RAB38: variants seen among roughly 807,000 people sequenced by gnomAD.
RAB38 encodes RAB38, member RAS oncogene family.
RAB38 carries 15 observed loss-of-function variants against 18.4 expected under a neutral mutation model. The observed-to-expected ratio is 0.82, with a 90% confidence interval of 0.55 to 1.26. The LOEUF is 1.26. RAB38 is among the 50% of genes most tolerant of loss of function. The pLI is 0.00. For synonymous variants in RAB38, 101 were observed against 104.4 expected (o/e 0.97, Z 0.20); for missense variants, 294 against 267.4 (o/e 1.10, Z -0.69).
intron 2 of RAB38, among the ~76,000 whole-genome samples, chr11:88,124,908 C>T (rs1230495071): frequency 6.6e-6 from 1 of 152,180 alleles, no homozygotes; most frequent in African/African-American, 2.4e-5. Flanking sequence ...TCATCAAAGG[C>T]TTTACAATCC....
the RAB38 span, among the ~76,000 whole-genome samples, chr11:88,054,797 C>G: frequency 7.2e-5 from 11 of 152,186 alleles, no homozygotes; most frequent in African/African-American, 2.7e-4. Context: ...GAAAGGACAG[C>G]TTGCACAAAG....
the RAB38 span, among the ~76,000 whole-genome samples, chr11:87,909,533 T>C: frequency 6.6e-6 from 1 of 152,102 alleles, no homozygotes; most frequent in Non-Finnish European, 1.5e-5. Context: ...TGTATAATTT[T>C]ATATGTTTCC....
chr11:87,842,481 G>A, the RAB38 span, among the ~76,000 whole-genome samples: 4 of 152,272 alleles, frequency 2.6e-5, no homozygotes, highest in East Asian at 7.7e-4. Flanking sequence ...CGCAGTCGGA[G>A]AGGGGCCTTC....
chr11:87,885,006 T>C, the RAB38 span, among the ~76,000 whole-genome samples: 1 of 151,900 alleles, frequency 6.6e-6, no homozygotes, highest in Non-Finnish European at 1.5e-5. Context: ...CTTCAAAAAA[T>C]AGAGACCCAC....
the RAB38 span, among the ~76,000 whole-genome samples, chr11:88,047,438 C>T: frequency 2.6e-5 from 4 of 152,290 alleles, no homozygotes; most frequent in African/African-American, 9.6e-5. Flanking sequence ...TAGTATCTTC[C>T]ACATCTATCA....
the RAB38 span, among the ~76,000 whole-genome samples, chr11:87,846,829 CAA>C: frequency 6.6e-6 from 1 of 151,972 alleles, no homozygotes; most frequent in Non-Finnish European, 1.5e-5. Context: ...CTGAGTAAGA[CAA>C]AGTGCATTCT....
the RAB38 span, among the ~76,000 whole-genome samples, chr11:87,886,254 G>T: frequency 6.6e-6 from 1 of 151,884 alleles, no homozygotes; most frequent in Non-Finnish European, 1.5e-5. Flanking sequence ...TCGTCCCCAT[G>T]ACCTGGTGTT....
At chr11:88,146,009 T>C (rs1361905253) in intron 2 of RAB38, among the ~76,000 whole-genome samples, 1 of 152,226 alleles carries the variant, frequency 6.6e-6, no homozygotes, top group Non-Finnish European at 1.5e-5. Context: ...CTATTTTCTT[T>C]CCTTTGGTTT....
At chr11:88,077,764 A>G in the RAB38 span, among the ~76,000 whole-genome samples, 1 of 152,180 alleles carries the variant, frequency 6.6e-6, no homozygotes, top group Non-Finnish European at 1.5e-5. Context: ...ATAGGCAACC[A>G]AGGCAAAAAT....
At chr11:87,813,569 T>A in the RAB38 span, among the ~76,000 whole-genome samples, 11 of 152,222 alleles carry the variant, frequency 7.2e-5, no homozygotes, top group African/African-American at 2.4e-4. Flanking sequence ...TTGCTTATAG[T>A]ATTCTGGTGA....
chr11:88,024,478 T>G, the RAB38 span, among the ~76,000 whole-genome samples: 6 of 152,168 alleles, frequency 3.9e-5, no homozygotes, highest in East Asian at 1.2e-3. Context: ...ACTTTAGAGG[T>G]TCCTCATAAA....
chr11:88,013,785 C>G, the RAB38 span, among the ~76,000 whole-genome samples: 3 of 152,036 alleles, frequency 2.0e-5, no homozygotes, highest in Non-Finnish European at 1.5e-5. Context: ...TGCAAAAACC[C>G]AGGACTGGAA....
chr11:87,879,289 C>G, the RAB38 span, among the ~76,000 whole-genome samples: 6 of 151,198 alleles, frequency 4.0e-5, no homozygotes, highest in African/African-American at 1.5e-4. Flanking sequence ...AATATGTAAC[C>G]ACATTGCGAG....
chr11:87,955,058 A>G, the RAB38 span, among the ~76,000 whole-genome samples: 1 of 152,240 alleles, frequency 6.6e-6, no homozygotes, highest in African/African-American at 2.4e-5. Flanking sequence ...AGAAAAGAGC[A>G]GGAGCATAGT....
At chr11:87,890,610 C>A in the RAB38 span, among the ~76,000 whole-genome samples, 1 of 151,458 alleles carries the variant, frequency 6.6e-6, no homozygotes. Flanking sequence ...TTTTTTTTCC[C>A]AATTTCATCT....
At chr11:88,024,676 G>A in the RAB38 span, among the ~76,000 whole-genome samples, 45 of 152,270 alleles carry the variant, frequency 3.0e-4, no homozygotes, top group African/African-American at 1.0e-3. Flanking sequence ...AATGTGTAAT[G>A]TAGTACTATT....
the RAB38 span, among the ~76,000 whole-genome samples, chr11:87,868,623 GAAT>G: frequency 7.8e-6 from 1 of 127,814 alleles, no homozygotes; most frequent in Non-Finnish European, 1.7e-5. Context: ...GAGAGAGAGA[GAAT>G]GAGAATAAAC....
chr11:88,078,501 A>G, the RAB38 span, among the ~76,000 whole-genome samples: 11 of 148,792 alleles, frequency 7.4e-5, no homozygotes, highest in South Asian at 2.1e-4. Flanking sequence ...GTGTGTATAT[A>G]TGTGTGTGTG....
the RAB38 span, among the ~76,000 whole-genome samples, chr11:88,057,337 T>C: frequency 2.0e-5 from 3 of 152,102 alleles, no homozygotes; most frequent in African/African-American, 7.2e-5. Context: ...ATAGTCCTAA[T>C]ACATGAAGGC....
Sources: gnomAD v4.1 joint callset for allele counts (sites outside exome capture counted in the v4.1 genomes callset) on GRCh38, gnomAD v4.1.1 for gene constraint, MANE v1.5 for transcripts, NCBI Gene and HGNC (gene_info 2026-07-23, HGNC 2026-07-21) for gene names.